The following HSD11B1 variants were observed in gnomAD, a reference collection of about 807,000 sequenced individuals.
HSD11B1 encodes 11-beta-hydroxysteroid dehydrogenase 1.
HSD11B1 carries 15 observed loss-of-function variants against 22.1 expected under a neutral mutation model. The ratio of observed to expected loss-of-function variants is 0.68; its 90% CI spans 0.45 to 1.04. HSD11B1 has a LOEUF of 1.04. Ranked by LOEUF, HSD11B1 falls within the 50% of genes least tolerant of loss-of-function variation. The pLI, the probability that HSD11B1 is intolerant of heterozygous loss-of-function variation, is 0.00. For synonymous variants in HSD11B1, 122 were observed against 125.2 expected (o/e 0.97, Z 0.17); for missense variants, 281 against 357.6 (o/e 0.79, Z 1.73).
chr1:209,734,575 GT>G lies in HSD11B1; in HGVS notation c.*57del. 7.9e-7 allele frequency: 1 copy of G among 1,264,402 alleles called. No individual in the cohort carries two copies. The highest frequency in any genetic ancestry group is 1.2e-6 in the Non-Finnish European group (1 of 868,650). 78.3% of individuals were successfully genotyped at this position (1,264,402 alleles called of 1,614,324 possible). A position where few individuals can be genotyped will look rare whatever the true frequency, so the allele number is the denominator to read the frequency against. On this transcript the variant is annotated 3_prime_UTR_variant, in exon 6 of 6. Transcript: ENST00000367027. ...GGATTTTGGGACTGTTCTGTCTCAT[GT>G]TTATCTGAGCTCTTATCTATGAAGA...
intron 1 of HSD11B1, among the ~76,000 whole-genome samples, chr1:209,696,059 C>T (rs913781161): frequency 2.0e-5 from 3 of 152,112 alleles, no homozygotes; most frequent in Admixed American, 1.3e-4. Context: ...TGTTACAATA[C>T]GGAAGAATCT....
chr1:209,726,711 T>C (rs752786591), intron 4 of HSD11B1, among the ~76,000 whole-genome samples: 2 of 152,212 alleles, frequency 1.3e-5, no homozygotes, highest in African/African-American at 2.4e-5. Flanking sequence ...TTTCACTTTC[T>C]CTCTTCTCTT....
chr1:209,734,636 C>A lies in HSD11B1; in HGVS notation c.*115C>A. 1 of 816,018 alleles carries A rather than the reference C, an allele frequency of 1.2e-6. No individual in the cohort carries two copies. Among genetic ancestry groups the A allele is most frequent in the Non-Finnish European group, 2.1e-6 (1 of 477,512 alleles). 50.5% of individuals were successfully genotyped at this position (816,018 alleles called of 1,614,324 possible). ...AGAGTGTCCCCAGAGACATGCAAGT[C>A]ATGGGTCACACCTGACAAATGGAAG... On this transcript the variant is annotated 3_prime_UTR_variant, in exon 6 of 6. Coordinates refer to ENST00000367027, the MANE Select transcript of HSD11B1 (RefSeq NM_005525.4).
intron 1 of HSD11B1, among the ~76,000 whole-genome samples, chr1:209,698,890 G>A (rs1262547651): frequency 6.6e-6 from 1 of 152,126 alleles, no homozygotes; most frequent in South Asian, 2.1e-4. Context: ...ATAGATTCCA[G>A]GTATTCTACC....
intron 1 of HSD11B1, among the ~76,000 whole-genome samples, chr1:209,691,098 T>C (rs1027683787): frequency 2.0e-5 from 3 of 151,892 alleles, no homozygotes; most frequent in Non-Finnish European, 4.4e-5. Context: ...AAACCAAGGG[T>C]CAGAAATCTG....
intron 4 of HSD11B1, among the ~76,000 whole-genome samples, chr1:209,711,590 G>C (rs527852790): frequency 6.6e-6 from 1 of 152,248 alleles, no homozygotes; most frequent in South Asian, 2.1e-4. Context: ...CTGTGTGTTG[G>C]GGGGATGGGT....
intron 4 of HSD11B1, among the ~76,000 whole-genome samples, chr1:209,726,243 T>C (rs1290288240): frequency 8.4e-6 from 1 of 119,560 alleles, no homozygotes; most frequent in East Asian, 2.8e-4. Context: ...ATCGCGCCAC[T>C]GCACTCCAAC....
chr1:209,712,053 C>A (rs1349370468), intron 4 of HSD11B1, among the ~76,000 whole-genome samples: 1 of 152,160 alleles, frequency 6.6e-6, no homozygotes, highest in Non-Finnish European at 1.5e-5. Context: ...ATGGAAATAG[C>A]AAGGTTCTAC....
rs763024153 is a variant in HSD11B1 at position 209,733,689 on chromosome 1, T to TAAAAG, written c.662-610_662-606dup. 1.4e-3 allele frequency among the ~76,000 whole-genome samples: 210 copies of TAAAAG among 152,038 alleles called. 1 individual carries two copies. The highest frequency in any genetic ancestry group is 2.2e-3 in the Non-Finnish European group (150 of 68,016). On this transcript the variant is annotated intron_variant, in intron 5 of 5. Coordinates refer to ENST00000367027, the MANE Select transcript of HSD11B1 (RefSeq NM_005525.4). The stretch of plus-strand genomic sequence containing the variant: ...TTTATCTAAAACATGTGGCAGATAT[T>TAAAAG]AAAAGAAAATGCTCTTTGAAGAGTA...
chr1:209,710,012 A>G (rs2076885275), intron 4 of HSD11B1, among the ~76,000 whole-genome samples: 1 of 151,922 alleles, frequency 6.6e-6, no homozygotes, highest in East Asian at 1.9e-4. Context: ...GTCCATCACA[A>G]AAAACAAAGT....
intron 4 of HSD11B1, among the ~76,000 whole-genome samples, chr1:209,723,858 C>T (rs2076983498): frequency 6.6e-6 from 1 of 152,232 alleles, no homozygotes; most frequent in Admixed American, 6.5e-5. Flanking sequence ...CTCATGCTCT[C>T]TGACCATTTG....
intron 4 of HSD11B1, among the ~76,000 whole-genome samples, chr1:209,731,735 G>T (rs948565804): frequency 2.0e-5 from 3 of 152,056 alleles, no homozygotes; most frequent in African/African-American, 7.2e-5. Context: ...GTTTTTTTGA[G>T]ATGGAGTCTC....
intron 4 of HSD11B1, among the ~76,000 whole-genome samples, chr1:209,727,439 T>C (rs143388046): frequency 1.8e-3 from 272 of 152,308 alleles, no homozygotes; most frequent in Admixed American, 3.6e-3. Flanking sequence ...TATTTATGGG[T>C]ATCCTCATCT....
intron 4 of HSD11B1, among the ~76,000 whole-genome samples, chr1:209,713,750 T>G (rs1397274662): frequency 6.6e-6 from 1 of 152,238 alleles, no homozygotes. Context: ...TGTAAATAGC[T>G]GTTATATTGT....
chr1:209,693,239 C>A (rs1214358475), intron 1 of HSD11B1, among the ~76,000 whole-genome samples: 2 of 152,060 alleles, frequency 1.3e-5, no homozygotes, highest in African/African-American at 2.4e-5. Context: ...CAAAGTGAAG[C>A]CTGGGAAAAC....
upstream of HSD11B1, among the ~76,000 whole-genome samples, chr1:209,701,794 C>G (rs575394814): frequency 6.6e-6 from 1 of 152,198 alleles, no homozygotes; most frequent in Admixed American, 6.5e-5. Flanking sequence ...ACATTTTTGC[C>G]ATCTCCTATC....
At chr1:209,730,634 A>G (rs2077029709) in intron 4 of HSD11B1, among the ~76,000 whole-genome samples, 1 of 152,170 alleles carries the variant, frequency 6.6e-6, no homozygotes, top group Non-Finnish European at 1.5e-5. Context: ...AGATAACACT[A>G]TTTACTATCA....
At chr1:209,687,805 T>C (rs777095071) in intron 1 of HSD11B1, among the ~76,000 whole-genome samples, 4 of 152,248 alleles carry the variant, frequency 2.6e-5, no homozygotes, top group Middle Eastern at 3.4e-3. Context: ...CTGGCAGAAA[T>C]AGAAAGAAGA....
intron 4 of HSD11B1, among the ~76,000 whole-genome samples, chr1:209,716,908 C>T (rs577303180): frequency 6.6e-6 from 1 of 152,160 alleles, no homozygotes; most frequent in Non-Finnish European, 1.5e-5. Flanking sequence ...AAAATTGATG[C>T]CCAACAGATT....
Sources: allele counts gnomAD v4.1 joint callset (sites outside exome capture counted in the v4.1 genomes callset), GRCh38; gene constraint gnomAD v4.1.1; transcripts MANE v1.5; gene names NCBI Gene and HGNC (gene_info 2026-07-23, HGNC 2026-07-21).